TRMT11: variants seen among roughly 807,000 people sequenced by gnomAD.
TRMT11 encodes the protein tRNA (guanine(10)-N(2))-methyltransferase TRMT11.
TRMT11 carries 53 observed loss-of-function variants against 62.8 expected under a neutral mutation model. That is an observed-to-expected ratio of 0.84 (90% CI 0.68 to 1.06). The LOEUF is 1.06. Ranked by LOEUF, TRMT11 falls within the 50% of genes least tolerant of loss-of-function variation. The pLI is 0.00. For missense variants in TRMT11, 556 were observed against 553.4 expected (o/e 1.00, Z -0.05); for synonymous variants, 188 against 190.3 (o/e 0.99, Z 0.10).
At chr6:126,094,360 A>G (rs1481210142) in intron 17 of TRMT11, among the ~76,000 whole-genome samples, 1 of 152,232 alleles carries the variant, frequency 6.6e-6, no homozygotes, top group Non-Finnish European at 1.5e-5. Context: ...GAATTTTCTC[A>G]TTTAAAATTG....
At chr6:126,093,627 A>ATTTTTTTTTTTTTTTT (rs1343339966) in intron 17 of TRMT11, among the ~76,000 whole-genome samples, 3 of 94,636 alleles carry the variant, frequency 3.2e-5, no homozygotes, top group African/African-American at 1.4e-4. Context: ...ATATATATAT[A>ATTTTTTTTTTTTTTTT]TATATTTTCC....
intron 21 of TRMT11, among the ~76,000 whole-genome samples, chr6:126,159,119 C>T (rs1480239426): frequency 6.6e-6 from 1 of 152,024 alleles, no homozygotes; most frequent in Non-Finnish European, 1.5e-5. Context: ...ACCTGTAATA[C>T]ACTTCTCAAC....
At chr6:126,255,959 G>C in the TRMT11 span, among the ~76,000 whole-genome samples, 3 of 152,152 alleles carry the variant, frequency 2.0e-5, no homozygotes, top group African/African-American at 7.2e-5. Context: ...CCTGTGAGTC[G>C]AATTTGGGAG....
intron 12 of TRMT11, among the ~76,000 whole-genome samples, chr6:126,025,603 C>T (rs1292216190): frequency 2.0e-5 from 3 of 152,148 alleles, no homozygotes; most frequent in Non-Finnish European, 4.4e-5. Context: ...TTCATTTCTA[C>T]CTTTTGTTTG....
chr6:126,179,683 CAT>C (rs1455730466), intron 1 of TRMT11, among the ~76,000 whole-genome samples: 15 of 152,282 alleles, frequency 9.9e-5, no homozygotes, highest in South Asian at 8.3e-4. Flanking sequence ...TGAAAGACTA[CAT>C]GTCAGGTTTC....
At chr6:126,182,237 T>C (rs553240499) in intron 1 of TRMT11, among the ~76,000 whole-genome samples, 46 of 152,206 alleles carry the variant, frequency 3.0e-4, no homozygotes, top group Non-Finnish European at 5.1e-4. Flanking sequence ...GGGAAAGATT[T>C]TGGGGAAGGA....
At chr6:126,085,105 A>G (rs1777199707) in intron 17 of TRMT11, among the ~76,000 whole-genome samples, 1 of 152,148 alleles carries the variant, frequency 6.6e-6, no homozygotes, top group African/African-American at 2.4e-5. Flanking sequence ...CAAAATGGTA[A>G]CTATGTGAGG....
chr6:126,121,129 C>G (rs752681730), intron 21 of TRMT11, among the ~76,000 whole-genome samples: 1 of 152,102 alleles, frequency 6.6e-6, no homozygotes, highest in Non-Finnish European at 1.5e-5. Context: ...TTCATATTAA[C>G]TCTATTAGAT....
the TRMT11 span, among the ~76,000 whole-genome samples, chr6:126,249,750 T>C: frequency 1.3e-5 from 2 of 152,088 alleles, no homozygotes; most frequent in Non-Finnish European, 2.9e-5. Context: ...CTCTTCACAA[T>C]AGAGGTAGTA....
intron 17 of TRMT11, among the ~76,000 whole-genome samples, chr6:126,055,270 G>A (rs1466747461): frequency 6.6e-6 from 1 of 152,002 alleles, no homozygotes; most frequent in Non-Finnish European, 1.5e-5. Context: ...TGGCCTTTAC[G>A]ACCTTTTAAA....
chr6:126,188,364 A>G (rs1227411243), intron 1 of TRMT11, among the ~76,000 whole-genome samples: 1 of 152,094 alleles, frequency 6.6e-6, no homozygotes, highest in Non-Finnish European at 1.5e-5. Context: ...AATGATAAAA[A>G]TTAAACACAT....
At chr6:126,217,241 T>C in the TRMT11 span, among the ~76,000 whole-genome samples, 3 of 152,202 alleles carry the variant, frequency 2.0e-5, no homozygotes, top group African/African-American at 4.8e-5. Context: ...TTATGTCTTA[T>C]TTAGTTTGGT....
chr6:126,106,307 CTAA>C (rs1291783846), intron 17 of TRMT11, among the ~76,000 whole-genome samples: 1 of 152,010 alleles, frequency 6.6e-6, no homozygotes, highest in Admixed American at 6.6e-5. Context: ...CCATGCCTGG[CTAA>C]TATTTTGTAT....
the TRMT11 span, among the ~76,000 whole-genome samples, chr6:126,250,171 A>G: frequency 2.0e-5 from 3 of 152,244 alleles, no homozygotes; most frequent in Non-Finnish European, 4.4e-5. Context: ...ACAGACTTCA[A>G]TGCTGCAGTG....
chr6:126,176,297 T>G (rs1778383870), upstream of TRMT11, among the ~76,000 whole-genome samples: 1 of 152,142 alleles, frequency 6.6e-6, no homozygotes, highest in African/African-American at 2.4e-5. Flanking sequence ...GAAGTTAAAA[T>G]ATAGTGCAAT....
intron 9 of TRMT11, 24 bp from the exon 10 acceptor site, chr6:126,012,747 G>A (rs1232019124): frequency 6.3e-7 from 1 of 1,596,208 alleles, no homozygotes; most frequent in African/African-American, 1.3e-5. Context: ...TTGACTATCT[G>A]TGTTACCTTT....
intron 21 of TRMT11, among the ~76,000 whole-genome samples, chr6:126,151,847 T>TTTCTTTCTTTCTTTCTTTCTTTAG (rs1778051996): frequency 6.9e-6 from 1 of 144,612 alleles, no homozygotes; most frequent in African/African-American, 2.6e-5. Flanking sequence ...TCTTTCTTTC[T>TTTCTTTCTTTCTTTCTTTCTTTAG]TTCTTTCTTT....
rs560202033 is a variant in TRMT11 at position 126,170,151 on chromosome 6, A to G, written c.*1824-4674A>G. Reference sequence around the variant, plus strand: ...GTCAGCCTGGTGTCTTTTATTTTCTATTGTTTCATTTTTTCCCTCTCTGTG... The same window carrying G: ...GTCAGCCTGGTGTCTTTTATTTTCTGTTGTTTCATTTTTTCCCTCTCTGTG... On this transcript the variant is annotated intron_variant and NMD_transcript_variant, in intron 21 of 22. Coordinates refer to the TRMT11 transcript ENST00000648977. Among the ~76,000 whole-genome samples, 10 of 151,234 alleles carry G rather than the reference A, an allele frequency of 6.6e-5. No homozygotes were observed. In the East Asian group the frequency reaches 1.6e-3, roughly 24 times the overall value.
chr6:126,260,750 T>C, the TRMT11 span, among the ~76,000 whole-genome samples: 1 of 152,222 alleles, frequency 6.6e-6, no homozygotes, highest in African/African-American at 2.4e-5. Context: ...ACTACATCAT[T>C]CACTCTCTTG....
Sources: gnomAD v4.1 joint callset for allele counts (sites outside exome capture counted in the v4.1 genomes callset) on GRCh38, gnomAD v4.1.1 for gene constraint, MANE v1.5 for transcripts, NCBI Gene and HGNC (gene_info 2026-07-23, HGNC 2026-07-21) for gene names.